Variants in SLX4IP observed in about 807,000 individuals in gnomAD.
The protein encoded by SLX4IP is protein SLX4IP.
SLX4IP carries 34 observed loss-of-function variants against 32.9 expected under a neutral mutation model. The observed-to-expected ratio is 1.03, with a 90% CI of 0.79 to 1.38. The LOEUF (loss-of-function observed/expected upper bound fraction) is 1.38, where lower values mean the gene tolerates loss of function less well. Among genes scored for constraint, SLX4IP ranks in the 40% most tolerant of loss-of-function variants. The probability of loss-of-function intolerance (pLI) is 0.00; values close to 1 mark genes in which losing one functional copy is unlikely to be tolerated. For synonymous variants in SLX4IP, 172 were observed against 171.7 expected (o/e 1.00, Z -0.01); for missense variants, 444 against 479.0 (o/e 0.93, Z 0.68).
chr20:10,446,762 CCTT>C (rs2122324743), intron 1 of SLX4IP, among the ~76,000 whole-genome samples: 1 of 152,088 alleles, frequency 6.6e-6, no homozygotes, highest in East Asian at 1.9e-4. Flanking sequence ...ATCTGTATAT[CCTT>C]CTTGGTGAGA....
intron 2 of SLX4IP, among the ~76,000 whole-genome samples, chr20:10,516,884 A>T (rs1341058736): frequency 6.6e-6 from 1 of 152,188 alleles, no homozygotes; most frequent in Non-Finnish European, 1.5e-5. Context: ...ATCCCAGTGG[A>T]TTCCTAAGTC....
At chr20:10,575,988 G>T (rs557032081) in intron 4 of SLX4IP, among the ~76,000 whole-genome samples, 1 of 152,084 alleles carries the variant, frequency 6.6e-6, no homozygotes, top group Non-Finnish European at 1.5e-5. Flanking sequence ...AACACATTGG[G>T]ACCGTGATTT....
chr20:10,583,130 C>G (rs2066604023), intron 4 of SLX4IP, among the ~76,000 whole-genome samples: 2 of 152,166 alleles, frequency 1.3e-5, no homozygotes, highest in Non-Finnish European at 2.9e-5. Context: ...AATGTTATTT[C>G]ATTTATATGC....
In SLX4IP at chr20:10,598,818, G is replaced by T. The variant is rs2066806476; in HGVS notation, c.316+66G>T. 7.2e-6 allele frequency: 11 copies of T among 1,518,268 alleles called. No individual in the cohort carries two copies. The South Asian group carries it at 1.1e-4, about 16-fold the overall frequency. 94.0% of individuals were successfully genotyped at this position (1,518,268 alleles called of 1,614,324 possible). ...ATCTGCTTGCCCTAGATAGAGAAGG[G>T]ATGAAAATTAAGGAGTGGAGAGTCC... On this transcript the variant is annotated intron_variant, in intron 5 of 7. Transcript: ENST00000334534.
chr20:10,458,328 C>CT (rs1423783578), intron 2 of SLX4IP, 97 bp downstream of exon 2: 2 of 1,251,644 alleles, frequency 1.6e-6, no homozygotes, highest in Admixed American at 2.6e-5. Context: ...TAACTTTCTG[C>CT]TTTTTACACT....
chr20:10,511,768 C>T (rs1030049848), intron 2 of SLX4IP, among the ~76,000 whole-genome samples: 10 of 152,220 alleles, frequency 6.6e-5, no homozygotes, highest in African/African-American at 1.7e-4. Context: ...ACCCTCTTCA[C>T]GTGACAGCCC....
At chr20:10,614,213 G>A in intron 6 of SLX4IP, 2 of 661,510 alleles carry the variant, frequency 3.0e-6, no homozygotes, top group South Asian at 3.7e-5. Context: ...GAATGTAACA[G>A]AATCAGAAGA....
chr20:10,564,479 T>C (rs1229166615), intron 4 of SLX4IP, among the ~76,000 whole-genome samples: 2 of 152,210 alleles, frequency 1.3e-5, no homozygotes, highest in African/African-American at 4.8e-5. Context: ...TTTTGTTACA[T>C]TTCCAGATCC....
chr20:10,555,897 G>A (rs1020271813), intron 2 of SLX4IP, among the ~76,000 whole-genome samples: 3 of 152,188 alleles, frequency 2.0e-5, no homozygotes, highest in Non-Finnish European at 4.4e-5. Flanking sequence ...ACCTAGTACT[G>A]ACCTATTTAA....
intron 4 of SLX4IP, among the ~76,000 whole-genome samples, chr20:10,580,982 G>T (rs1600125874): frequency 6.6e-6 from 1 of 152,068 alleles, no homozygotes; most frequent in East Asian, 1.9e-4. Context: ...GTACAGCCCA[G>T]ACTTGTTTAA....
chr20:10,536,929 T>C (rs951555534), intron 2 of SLX4IP, among the ~76,000 whole-genome samples: 2 of 152,228 alleles, frequency 1.3e-5, no homozygotes, highest in African/African-American at 2.4e-5. Flanking sequence ...CTTTCAGCCT[T>C]TTCTCTGCCT....
rs879147408 is a variant in SLX4IP at position 10,613,690 on chromosome 20, C to T, written c.406-7624C>T. 3.3e-5 allele frequency: 53 copies of T among 1,613,222 alleles called. No homozygotes were observed. In the South Asian group the frequency reaches 4.5e-4, roughly 14 times the overall value. On this transcript the variant is annotated intron_variant, in intron 6 of 7. Coordinates refer to ENST00000334534, the MANE Select transcript of SLX4IP (RefSeq NM_001009608.3). ...TTTTGTGTTGATTCTTTGACAAAGGCGTTATAGGATGGGACCTCTCCGGCG... is the reference window on the plus strand; with the variant it reads ...TTTTGTGTTGATTCTTTGACAAAGGTGTTATAGGATGGGACCTCTCCGGCG...
intron 2 of SLX4IP, among the ~76,000 whole-genome samples, chr20:10,539,389 C>T (rs35916143): frequency 0.015 from 2,255 of 152,178 alleles, 34 homozygotes; most frequent in Non-Finnish European, 0.023. Flanking sequence ...GTTCACAAAG[C>T]GTGAGTTGCT....
chr20:10,482,279 G>A (rs2065529681), intron 2 of SLX4IP, among the ~76,000 whole-genome samples: 1 of 152,158 alleles, frequency 6.6e-6, no homozygotes, highest in South Asian at 2.1e-4. Flanking sequence ...TTTTGGGTTG[G>A]ACATGTGCCT....
At chr20:10,510,129 G>A (rs1432368198) in intron 2 of SLX4IP, among the ~76,000 whole-genome samples, 1 of 152,124 alleles carries the variant, frequency 6.6e-6, no homozygotes, top group African/African-American at 2.4e-5. Flanking sequence ...AGAATTAAAA[G>A]GAAGAATAAC....
At chr20:10,516,776 ATTGGCT>A (rs1378322202) in intron 2 of SLX4IP, among the ~76,000 whole-genome samples, 1 of 152,186 alleles carries the variant, frequency 6.6e-6, no homozygotes, top group Non-Finnish European at 1.5e-5. Flanking sequence ...GGTTGTCTCC[ATTGGCT>A]TTTATTCATC....
At chr20:10,581,752 CA>C (rs1026679477) in intron 4 of SLX4IP, among the ~76,000 whole-genome samples, 18 of 151,582 alleles carry the variant, frequency 1.2e-4, no homozygotes, top group Admixed American at 1.3e-4. Flanking sequence ...CCCATCTCTA[CA>C]AAAAAAAATT....
intron 6 of SLX4IP, chr20:10,614,075 G>C (rs1005603319): frequency 6.5e-7 from 1 of 1,540,844 alleles, no homozygotes; most frequent in African/African-American, 1.4e-5. Flanking sequence ...TGTCGCCCTC[G>C]CCCACCCGGT....
intron 6 of SLX4IP, among the ~76,000 whole-genome samples, chr20:10,604,480 G>A (rs2066881850): frequency 6.6e-6 from 1 of 152,078 alleles, no homozygotes; most frequent in South Asian, 2.1e-4. Context: ...TCTGTCAAGG[G>A]ATTCTTTCAA....
Sources: allele counts gnomAD v4.1 joint callset (sites outside exome capture counted in the v4.1 genomes callset), GRCh38; gene constraint gnomAD v4.1.1; transcripts MANE v1.5; gene names NCBI Gene and HGNC (gene_info 2026-07-23, HGNC 2026-07-21).